The following CRIM1 variants were observed in gnomAD, a reference collection of about 807,000 sequenced individuals.
The protein encoded by CRIM1 is cysteine rich transmembrane BMP regulator 1, also known as cysteine-rich motor neuron 1 protein.
In CRIM1, 32 loss-of-function variants were observed where a neutral mutation model predicts 116.4. That is an observed-to-expected ratio of 0.27 (90% confidence interval 0.21 to 0.37). The LOEUF (loss-of-function observed/expected upper bound fraction) is 0.37. Among genes scored for constraint, CRIM1 ranks in the 10% least tolerant of loss-of-function variants. The pLI, the probability that CRIM1 is intolerant of heterozygous loss-of-function variation, is 1.00. For synonymous variants in CRIM1, 590 were observed against 509.2 expected (o/e 1.16, Z -2.13); for missense variants, 1,331 against 1,354.8 (o/e 0.98, Z 0.28).
intron 4 of CRIM1, among the ~76,000 whole-genome samples, chr2:36,462,964 G>A (rs1293701420): frequency 6.6e-6 from 1 of 152,178 alleles, no homozygotes; most frequent in Non-Finnish European, 1.5e-5. Flanking sequence ...CAGGAATATA[G>A]CGTATGAATT....
chr2:36,440,026 A>G (rs1375775994), intron 2 of CRIM1, among the ~76,000 whole-genome samples: 1 of 152,220 alleles, frequency 6.6e-6, no homozygotes, highest in African/African-American at 2.4e-5. Flanking sequence ...CAAGAAATAG[A>G]TAAGGAAGAG....
chr2:36,435,626 T>C (rs747874735), intron 2 of CRIM1, among the ~76,000 whole-genome samples: 1 of 151,864 alleles, frequency 6.6e-6, no homozygotes, highest in Non-Finnish European at 1.5e-5. Flanking sequence ...AATCGCAGTT[T>C]TTGTCATTAC....
chr2:36,377,241 A>G (rs1670394062), intron 1 of CRIM1, among the ~76,000 whole-genome samples: 1 of 152,180 alleles, frequency 6.6e-6, no homozygotes, highest in Non-Finnish European at 1.5e-5. Context: ...TCCTCCTTGG[A>G]GGATTAGTCA....
chr2:36,498,572 G>A (rs1446505627), intron 7 of CRIM1, among the ~76,000 whole-genome samples: 12 of 152,130 alleles, frequency 7.9e-5, no homozygotes. Flanking sequence ...TTTGTTTAGT[G>A]CCCTTATTCC....
At chr2:36,438,192 A>G (rs778332320) in intron 2 of CRIM1, among the ~76,000 whole-genome samples, 22 of 152,258 alleles carry the variant, frequency 1.4e-4, no homozygotes, top group Middle Eastern at 6.8e-3. Context: ...TTGGGTTTTA[A>G]TGGAGATGTT....
rs1223568566 is a variant in CRIM1 at position 36,441,498 on chromosome 2, C to T, written c.746C>T (p.Pro249Leu). 6.2e-7 allele frequency: 1 copy of T among 1,608,890 alleles called. No individual in the cohort carries two copies. The highest frequency in any genetic ancestry group is 8.5e-7 in the Non-Finnish European group (1 of 1,179,852). ...GECCDLYECKPVFGVDCRTVE... is the reference protein window; with the variant it reads ...GECCDLYECKLVFGVDCRTVE... ...TGCTGTGACCTCTATGAGTGCAAAC[C>T]AGGTATGCACGAGCTCTGTCTCAGC... The change falls in exon 3 of 17, where the codon CCA becomes CTA. Residue 249 changes from proline to leucine, a missense_variant and splice_region_variant. Coordinates refer to ENST00000280527, the MANE Select transcript of CRIM1 (RefSeq NM_016441.3).
At chr2:36,506,349 C>A (rs80182888) in intron 8 of CRIM1, among the ~76,000 whole-genome samples, 4,657 of 152,088 alleles carry the variant, frequency 0.031, 240 homozygotes, top group African/African-American at 0.11. Flanking sequence ...CAACCGAGAA[C>A]TGGTTTTTAT....
intron 1 of CRIM1, among the ~76,000 whole-genome samples, chr2:36,358,129 G>GTAA (rs74705105): frequency 2.0e-5 from 3 of 151,374 alleles, no homozygotes; most frequent in Admixed American, 2.0e-4. Context: ...TAAGACATTG[G>GTAA]GTTAGAAGAG....
intron 2 of CRIM1, among the ~76,000 whole-genome samples, chr2:36,432,485 A>G (rs1674973155): frequency 6.6e-6 from 1 of 152,172 alleles, no homozygotes; most frequent in Non-Finnish European, 1.5e-5. Context: ...AAATATTTGA[A>G]AACTGTTTTA....
intron 4 of CRIM1, among the ~76,000 whole-genome samples, chr2:36,447,585 C>T (rs1676347559): frequency 6.6e-6 from 1 of 152,174 alleles, no homozygotes; most frequent in African/African-American, 2.4e-5. Context: ...TACATGATGT[C>T]AGAAGCAGGA....
chr2:36,544,858 T>C (rs1472430013), intron 15 of CRIM1, among the ~76,000 whole-genome samples: 1 of 152,220 alleles, frequency 6.6e-6, no homozygotes, highest in Non-Finnish European at 1.5e-5. Context: ...AATCATGAAT[T>C]AGTCACTGTC....
At chr2:36,513,359 T>C (rs1323981049) in intron 10 of CRIM1, 197 bp from the exon 11 acceptor site, 5 of 558,408 alleles carry the variant, frequency 9.0e-6, no homozygotes, top group Non-Finnish European at 1.6e-5. Flanking sequence ...TATTTGCCGG[T>C]TTTTTTCTCT....
At chr2:36,476,787 T>A (rs1464913651) in intron 5 of CRIM1, 102 bp from the exon 6 acceptor site, 2 of 889,608 alleles carry the variant, frequency 2.2e-6, no homozygotes, top group African/African-American at 3.4e-5. Context: ...CATCAACTTA[T>A]AACCTCCTAT....
chr2:36,468,103 G>A (rs931180133), intron 5 of CRIM1, among the ~76,000 whole-genome samples: 1 of 152,182 alleles, frequency 6.6e-6, no homozygotes, highest in Non-Finnish European at 1.5e-5. Context: ...CCCAACCATG[G>A]TGAGGTAGAT....
In CRIM1 at chr2:36,479,755, C is replaced by T. The variant is rs934340370; in HGVS notation, c.1372+61C>T. ...TGTCTTCTGTTGGAGAAGCTTCTAC[C>T]AGCGTACGTTCTTGTTTGTTTATTT... On this transcript the variant is annotated intron_variant, in intron 7 of 16. Transcript: ENST00000280527. The T allele has an allele frequency of 4.0e-6, 6 of 1,497,346 alleles. No individual in the cohort carries two copies. In the African/African-American group the frequency reaches 6.9e-5, roughly 17 times the overall value. The allele number at this position is 1,497,346 out of a possible 1,614,324, so 92.8% of individuals were successfully genotyped here.
intron 14 of CRIM1, among the ~76,000 whole-genome samples, chr2:36,543,688 ATT>A (rs869081095): frequency 2.3e-5 from 3 of 131,166 alleles, no homozygotes; most frequent in Admixed American, 1.7e-4. Flanking sequence ...AAAAGTTCTG[ATT>A]TTTTTTTTTT....
In CRIM1 at chr2:36,366,122, A is replaced by G. The variant is rs553871061; in HGVS notation, c.331+9499A>G. On this transcript the variant is annotated intron_variant, in intron 1 of 16. Transcript: ENST00000280527. ...TATTGGCTGATAATTCATAAGGCAG[A>G]TGCTTTAAATTGGCTATTGTAGAAC... 1.4e-4 allele frequency among the ~76,000 whole-genome samples: 22 copies of G among 152,388 alleles called. No individual in the cohort carries two copies. The South Asian group carries it at 4.1e-3, about 29-fold the overall frequency.
intron 1 of CRIM1, among the ~76,000 whole-genome samples, chr2:36,390,950 C>G (rs1671531701): frequency 1.3e-5 from 2 of 151,776 alleles, no homozygotes. Flanking sequence ...GCTGGGATTA[C>G]AGGCATGCGC....
At chr2:36,484,829 G>C (rs1287478476) in intron 7 of CRIM1, among the ~76,000 whole-genome samples, 1 of 152,164 alleles carries the variant, frequency 6.6e-6, no homozygotes, top group Non-Finnish European at 1.5e-5. Flanking sequence ...GTAGCATTCA[G>C]AATTATACTC....
Sources: allele counts gnomAD v4.1 joint callset (sites outside exome capture counted in the v4.1 genomes callset), GRCh38; gene constraint gnomAD v4.1.1; transcripts MANE v1.5; gene names NCBI Gene and HGNC (gene_info 2026-07-23, HGNC 2026-07-21).